The following CEP95 variants were observed in gnomAD, a reference collection of about 807,000 sequenced individuals.
CEP95 encodes centrosomal protein 95.
Under a neutral mutation model 111.2 loss-of-function variants are expected in CEP95, and 98 were observed. The ratio of observed to expected loss-of-function variants is 0.88; its 90% CI spans 0.75 to 1.04. The LOEUF is 1.04. CEP95 is among the 50% of genes least tolerant of loss of function. The probability of loss-of-function intolerance (pLI) is 0.00; values close to 1 mark genes in which losing one functional copy is unlikely to be tolerated. For missense variants in CEP95, 1,027 were observed against 977.2 expected, an observed-to-expected ratio of 1.05 and a Z score of -0.68; for synonymous variants, 323 against 327.1, an observed-to-expected ratio of 0.99 and a Z score of 0.14.
At chr17:64,507,435 C>T (rs2038615038) in intron 1 of CEP95, 2 of 1,346,058 alleles carry the variant, frequency 1.5e-6, no homozygotes, top group East Asian at 3.0e-5. Flanking sequence ...TAGCCGCTGT[C>T]CGTGTGCCCT....
chr17:64,523,818 T>C (rs533585035), intron 8 of CEP95, among the ~76,000 whole-genome samples: 6 of 152,102 alleles, frequency 3.9e-5, no homozygotes, highest in Admixed American at 3.9e-4. Context: ...GAGGATCACT[T>C]GAGCCCAGGA....
chr17:64,532,442 C>T (rs1011161091), intron 14 of CEP95: 3 of 985,290 alleles, frequency 3.0e-6, no homozygotes, highest in Non-Finnish European at 3.6e-6. Flanking sequence ...TGAGAAATGC[C>T]AGGCTTCCTG....
At chr17:64,514,534 G>T (rs1456873703) in intron 4 of CEP95, 176 bp downstream of exon 4, 3 of 468,910 alleles carry the variant, frequency 6.4e-6, no homozygotes, top group African/African-American at 5.9e-5. Context: ...AACTGTCTTA[G>T]ACTGTCATCA....
At chr17:64,511,172 T>G (rs1414003443) in intron 3 of CEP95, among the ~76,000 whole-genome samples, 1 of 152,160 alleles carries the variant, frequency 6.6e-6, no homozygotes, top group Non-Finnish European at 1.5e-5. Context: ...GGGGTGAAAT[T>G]AAAATTGCTA....
chr17:64,508,311 A>C, intron 1 of CEP95: 1 of 994,878 alleles, frequency 1.0e-6, no homozygotes, highest in Non-Finnish European at 1.2e-6. Flanking sequence ...TTATATAAGT[A>C]ACTTAAGATT....
At chr17:64,526,480 G>A (rs1967832639) in intron 10 of CEP95, among the ~76,000 whole-genome samples, 2 of 152,104 alleles carry the variant, frequency 1.3e-5, no homozygotes, top group Admixed American at 1.3e-4. Flanking sequence ...CTTTAGATAT[G>A]TCTTTATAGT....
At chr17:64,526,297 G>A (rs988984868) in intron 10 of CEP95, 97 bp downstream of exon 10, 1 of 1,220,400 alleles carries the variant, frequency 8.2e-7, no homozygotes, top group African/African-American at 1.5e-5. Flanking sequence ...AAAATTAGTT[G>A]TGTCTTATTA....
intron 8 of CEP95, among the ~76,000 whole-genome samples, chr17:64,524,712 C>G (rs556314325): frequency 1.6e-4 from 24 of 152,260 alleles, no homozygotes; most frequent in African/African-American, 5.5e-4. Flanking sequence ...GTGGCTCACA[C>G]CTGTAATCCC....
At chr17:64,506,921 T>G, upstream of CEP95, 1 of 737,160 alleles carries the variant, frequency 1.4e-6, no homozygotes. Context: ...AGTGCTCCTC[T>G]GATGACCAAT....
At chr17:64,508,986 G>A (rs782295036) in intron 2 of CEP95, among the ~76,000 whole-genome samples, 2 of 151,962 alleles carry the variant, frequency 1.3e-5, no homozygotes, top group Non-Finnish European at 2.9e-5. Context: ...TAACGGCCTT[G>A]AGCAGATCAG....
chr17:64,509,210 C>T (rs551968384), intron 2 of CEP95, among the ~76,000 whole-genome samples: 1 of 152,308 alleles, frequency 6.6e-6, no homozygotes, highest in South Asian at 2.1e-4. Context: ...CGCATATGTC[C>T]TTTCATCTTG....
intron 16 of CEP95, chr17:64,534,262 T>C (rs781814602): frequency 2.0e-4 from 51 of 258,956 alleles, no homozygotes; most frequent in Admixed American, 9.4e-4. Flanking sequence ...AAAGTCTGGG[T>C]GTGCCATTTT....
At position 64,507,177 on chromosome 17, in the gene CEP95, C is replaced by T. The variant is rs1489635712; in HGVS notation, c.19+61C>T. 27 of 1,550,656 alleles carry T rather than the reference C, an allele frequency of 1.7e-5. No individual in the cohort carries two copies. The Middle Eastern group carries it at 1.0e-3, about 59-fold the overall frequency. ...TGAAACCGTCCACCTCCAGGGAGGC[C>T]TCGGGCTAGCCCGGACTGGGTCTGG... On this transcript the variant is annotated intron_variant, in intron 1 of 19. Transcript: ENST00000556440.
chr17:64,517,506 A>G (rs1966960197), intron 5 of CEP95, among the ~76,000 whole-genome samples: 1 of 151,940 alleles, frequency 6.6e-6, no homozygotes, highest in Non-Finnish European at 1.5e-5. Context: ...TTTTGGATTT[A>G]GTCATATGTC....
intron 8 of CEP95, among the ~76,000 whole-genome samples, chr17:64,524,005 C>T (rs111740887): frequency 0.011 from 1,697 of 152,246 alleles, 10 homozygotes; most frequent in Non-Finnish European, 0.017. Context: ...ATTAAAAGTA[C>T]AGAGATGAAA....
At chr17:64,525,923 A>C (rs549080208) in intron 9 of CEP95, 41 bp downstream of exon 9, 2 of 1,505,164 alleles carry the variant, frequency 1.3e-6, no homozygotes, top group East Asian at 2.3e-5. Flanking sequence ...GTCTGTTTAC[A>C]AAGGAATTTG....
chr17:64,521,462 C>T lies in CEP95; in HGVS notation c.650C>T (p.Ser217Leu). 2 of 1,612,444 alleles carry T rather than the reference C, an allele frequency of 1.2e-6. No individual in the cohort carries two copies. The highest frequency in any genetic ancestry group is 1.7e-6 in the Non-Finnish European group (2 of 1,178,642). The change falls in exon 7 of 20, where the codon TCA (serine) becomes TTA (leucine). Residue 217 changes from serine (S) to leucine (L), a missense_variant. By Grantham distance (145) the Ser-to-Leu change is moderately radical (BLOSUM62 -2). Coordinates refer to ENST00000556440, the MANE Select transcript of CEP95 (RefSeq NM_138363.3). ...KKALASPSSK[S>L]HEDMLYPPSV... The stretch of plus-strand genomic sequence containing the variant: ...GCCTTAGCCTCACCAAGTTCTAAAT[C>T]ACATGAAGATATGTTGTACCCTCCT...
chr17:64,524,987 C>CA (rs1365471604), intron 8 of CEP95, among the ~76,000 whole-genome samples: 2 of 151,850 alleles, frequency 1.3e-5, no homozygotes, highest in African/African-American at 4.8e-5. Flanking sequence ...AAAAAACAAA[C>CA]AAACATTAAA....
At chr17:64,520,408 CAT>C (rs1967223661) in intron 6 of CEP95, 2 of 151,058 alleles carry the variant, frequency 1.3e-5, no homozygotes, top group South Asian at 2.1e-4. Flanking sequence ...AGATAACTGT[CAT>C]ATACATTCAC....
Sources: gnomAD v4.1 joint callset for allele counts (sites outside exome capture counted in the v4.1 genomes callset) on GRCh38, gnomAD v4.1.1 for gene constraint, MANE v1.5 for transcripts, NCBI Gene and HGNC (gene_info 2026-07-23, HGNC 2026-07-21) for gene names.